PDS5A: variants seen among roughly 807,000 people sequenced by gnomAD.
PDS5A encodes sister chromatid cohesion protein PDS5 homolog A.
Under a neutral mutation model 167.1 loss-of-function variants are expected in PDS5A, and 42 were observed. The observed-to-expected ratio is 0.25, with a 90% CI of 0.20 to 0.33. The LOEUF is 0.33. Among genes scored for constraint, PDS5A ranks in the 10% least tolerant of loss-of-function variants. PDS5A has a pLI of 1.00. For missense variants in PDS5A, 1,033 were observed against 1,605.9 expected (o/e 0.64, Z 6.10); for synonymous variants, 553 against 554.6 (o/e 1.00, Z 0.04).
Position 39,856,520 on chromosome 4 carries a change from T to TA in PDS5A, c.3086+5698dup, listed in dbSNP as rs1718536583. ...TAACTCACTTCTTTCATACATGATTTAAAAGGAAAATGCGGCTGGGTGCAG... is the reference window on the plus strand; with the variant it reads ...TAACTCACTTCTTTCATACATGATTTAAAAAGGAAAATGCGGCTGGGTGCAG... On this transcript the variant is annotated intron_variant, in intron 26 of 32. Transcript: ENST00000303538. 4.6e-5 allele frequency among the ~76,000 whole-genome samples: 7 copies of TA among 152,282 alleles called. No homozygotes were observed. In the South Asian group the frequency reaches 1.5e-3, roughly 32 times the overall value.
chr4:39,958,501 T>C (rs1180442205), intron 2 of PDS5A, among the ~76,000 whole-genome samples: 1 of 135,736 alleles, frequency 7.4e-6, no homozygotes, highest in South Asian at 2.5e-4. Context: ...AGCGAAACTG[T>C]GTCTCAAAAA....
chr4:39,872,197 A>G (rs1720101015), intron 21 of PDS5A, among the ~76,000 whole-genome samples: 1 of 128,432 alleles, frequency 7.8e-6, no homozygotes, highest in Non-Finnish European at 1.6e-5. Context: ...TTTTTTTGAG[A>G]CAGAGTTTCG....
intron 2 of PDS5A, among the ~76,000 whole-genome samples, chr4:39,947,182 G>A (rs1250751854): frequency 6.6e-6 from 1 of 152,134 alleles, no homozygotes; most frequent in Non-Finnish European, 1.5e-5. Context: ...GACCAGGCAT[G>A]GTGGTTCACG....
intron 31 of PDS5A, among the ~76,000 whole-genome samples, chr4:39,838,700 G>A (rs895154151): frequency 6.6e-6 from 1 of 151,926 alleles, no homozygotes; most frequent in Non-Finnish European, 1.5e-5. Context: ...TCCAGCCTGG[G>A]TGACAGAGGG....
At chr4:39,895,724 T>C (rs1578689362) in intron 16 of PDS5A, among the ~76,000 whole-genome samples, 2 of 152,100 alleles carry the variant, frequency 1.3e-5, no homozygotes, top group East Asian at 1.9e-4. Flanking sequence ...TTTTGTTTGA[T>C]TGTTTGTTTT....
chr4:39,973,552 G>A (rs1366667177), intron 2 of PDS5A: 8 of 1,277,864 alleles, frequency 6.3e-6, no homozygotes, highest in African/African-American at 4.4e-5. Flanking sequence ...TAGTGCAAAG[G>A]CTATGATGGA....
At chr4:39,887,555 C>A (rs1721583740) in intron 17 of PDS5A, among the ~76,000 whole-genome samples, 1 of 151,660 alleles carries the variant, frequency 6.6e-6, no homozygotes, top group African/African-American at 2.4e-5. Flanking sequence ...AGTGATAGAC[C>A]CCTATCCCTC....
intron 7 of PDS5A, among the ~76,000 whole-genome samples, chr4:39,917,847 T>C (rs1724536626): frequency 1.3e-5 from 2 of 151,852 alleles, no homozygotes; most frequent in South Asian, 4.2e-4. Context: ...AGTACTGGGA[T>C]TACAGGCGTG....
At chr4:39,969,493 C>T (rs1730300269) in intron 2 of PDS5A, among the ~76,000 whole-genome samples, 1 of 152,020 alleles carries the variant, frequency 6.6e-6, no homozygotes, top group Non-Finnish European at 1.5e-5. Context: ...ATGGTAAAAC[C>T]CCGTGTCTAC....
intron 16 of PDS5A, among the ~76,000 whole-genome samples, chr4:39,892,133 T>A (rs1578682285): frequency 1.3e-5 from 2 of 150,654 alleles, no homozygotes; most frequent in East Asian, 4.0e-4. Flanking sequence ...TAACTATCCA[T>A]TTAAGCTCAA....
At chr4:39,946,209 TA>T (rs11419649) in intron 2 of PDS5A, among the ~76,000 whole-genome samples, 11 of 131,010 alleles carry the variant, frequency 8.4e-5, no homozygotes, top group Non-Finnish European at 1.4e-4. Context: ...TTCATCTCAA[TA>T]AAAAAAAAAA....
intron 16 of PDS5A, 165 bp downstream of exon 16, chr4:39,898,224 A>G (rs1182192545): frequency 7.7e-7 from 1 of 1,291,266 alleles, no homozygotes; most frequent in African/African-American, 1.5e-5. Flanking sequence ...GCTGAGAGTG[A>G]ATGGTAAATA....
At chr4:39,856,773 G>A (rs924606869) in intron 26 of PDS5A, among the ~76,000 whole-genome samples, 7 of 152,002 alleles carry the variant, frequency 4.6e-5, no homozygotes, top group East Asian at 1.9e-4. Context: ...CCAAGATCAC[G>A]CCACCGCACT....
chr4:39,902,805 C>G (rs1722994895), intron 12 of PDS5A, among the ~76,000 whole-genome samples: 2 of 152,156 alleles, frequency 1.3e-5, no homozygotes, highest in South Asian at 4.1e-4. Flanking sequence ...TTACGACGGG[C>G]ATGAGGCACC....
intron 11 of PDS5A, among the ~76,000 whole-genome samples, chr4:39,905,036 T>C (rs893444667): frequency 2.6e-5 from 4 of 151,464 alleles, no homozygotes; most frequent in South Asian, 2.1e-4. Context: ...TGGTGGCTCA[T>C]GCCTGTAATC....
In PDS5A at chr4:39,976,615, CCTCTATCGGT is replaced by C. The variant is rs1731113059; in HGVS notation, c.-40-8_-39del. The C allele has an allele frequency of 6.4e-7, 1 of 1,553,506 alleles. No individual in the cohort carries two copies. The highest frequency in any genetic ancestry group is 8.8e-7 in the Non-Finnish European group (1 of 1,139,970). Reference sequence around the variant, plus strand: ...CTTTTGGTTCACAGTCCTCTACCGGCCTCTATCGGTCAGAAAACCAAAGTTCAGCGGGAAA... The same window carrying C: ...CTTTTGGTTCACAGTCCTCTACCGGCCAGAAAACCAAAGTTCAGCGGGAAA... On this transcript the variant is annotated splice_acceptor_variant and splice_polypyrimidine_tract_variant and 5_prime_UTR_variant and intron_variant, in exon 2 of 33. Transcript: ENST00000303538. LOFTEE classifies it low-confidence loss of function (5UTR_SPLICE).
intron 2 of PDS5A, among the ~76,000 whole-genome samples, chr4:39,954,670 T>TAAATAAAAAAAAAAAAAAAAAA (rs1553908181): frequency 2.1e-5 from 1 of 48,280 alleles, no homozygotes; most frequent in Non-Finnish European, 4.1e-5. Flanking sequence ...AAGAGATAAG[T>TAAATAAAAAAAAAAAAAAAAAA]AAAAAAAAAA....
In PDS5A at chr4:39,973,704, G is replaced by T. The variant is rs957150314; in HGVS notation, c.138+2736C>A. 3.1e-6 allele frequency: 4 copies of T among 1,288,026 alleles called. No individual in the cohort carries two copies. The African/African-American group carries it at 5.8e-5, about 19-fold the overall frequency. 79.8% of individuals were successfully genotyped at this position (1,288,026 alleles called of 1,614,324 possible). ...TAGCTCAGCGCAAAGAAGAGTGCCA[G>T]GCTCACTTCACTAACCAGCATATGC... On this transcript the variant is annotated intron_variant, in intron 2 of 32. Coordinates refer to ENST00000303538, the MANE Select transcript of PDS5A (RefSeq NM_001100399.2).
chr4:39,908,718 A>C, intron 10 of PDS5A, 178 bp from the exon 11 acceptor site: 1 of 571,132 alleles, frequency 1.8e-6, no homozygotes, highest in Non-Finnish European at 3.1e-6. Flanking sequence ...GTAATCACAA[A>C]ACTGCACTTT....
Sources: allele counts gnomAD v4.1 joint callset (sites outside exome capture counted in the v4.1 genomes callset), GRCh38; gene constraint gnomAD v4.1.1; transcripts MANE v1.5; gene names NCBI Gene and HGNC (gene_info 2026-07-23, HGNC 2026-07-21).